DMD: variants seen among roughly 807,000 people sequenced by gnomAD.
DMD encodes dystrophin, also known as mutant dystrophin.
DMD carries 63 observed loss-of-function variants against 330.1 expected under a neutral mutation model. That is an observed-to-expected ratio of 0.19 (90% CI 0.16 to 0.24). The LOEUF is 0.24. Among genes scored for constraint, DMD ranks in the 10% least tolerant of loss-of-function variants. The pLI is 1.00. For synonymous variants in DMD, 1,223 were observed against 959.8 expected (o/e 1.27, Z -5.07); for missense variants, 3,344 against 2,684.1 (o/e 1.25, Z -5.43).
chrX:32,053,056 C>T, intron 44 of DMD, among the ~76,000 whole-genome samples: 1 of 111,563 alleles, frequency 9.0e-6, no homozygotes, highest in Non-Finnish European at 1.9e-5. Flanking sequence ...ATTCCCACAC[C>T]ACTGCTAGAT....
chrX:31,680,990 A>G (rs1330638082), intron 52 of DMD, among the ~76,000 whole-genome samples: 1 of 111,133 alleles, frequency 9.0e-6, no homozygotes, highest in Non-Finnish European at 1.9e-5. Context: ...AACACCTCAT[A>G]TAATTAGTTA....
At chrX:32,457,819 T>G (rs1399796726) in intron 25 of DMD, among the ~76,000 whole-genome samples, 2 of 110,483 alleles carry the variant, frequency 1.8e-5, no homozygotes, top group Admixed American at 9.7e-5. Context: ...ATCTGCAAGC[T>G]GGCAGAAAGA....
intron 44 of DMD, among the ~76,000 whole-genome samples, chrX:32,101,724 C>A (rs1181337624): frequency 9.0e-6 from 1 of 111,475 alleles, no homozygotes; most frequent in Non-Finnish European, 1.9e-5. Context: ...CAATTATAAT[C>A]AGTAAGAACA....
At chrX:32,831,256 G>A (rs1168770764) in intron 4 of DMD, among the ~76,000 whole-genome samples, 1 of 110,095 alleles carries the variant, frequency 9.1e-6, no homozygotes. Flanking sequence ...TTCTACCATC[G>A]TCAATATTTT....
intron 1 of DMD, among the ~76,000 whole-genome samples, chrX:33,022,124 T>C (rs771573153): frequency 9.0e-6 from 1 of 111,355 alleles, no homozygotes; most frequent in Non-Finnish European, 1.9e-5. Flanking sequence ...ATTTCCTACA[T>C]GTGCATGCGT....
intron 60 of DMD, among the ~76,000 whole-genome samples, chrX:31,428,198 T>TG (rs2063820373): frequency 9.0e-6 from 1 of 111,645 alleles, no homozygotes; most frequent in Non-Finnish European, 1.9e-5. Context: ...GACTGGATCA[T>TG]GGGGCTGGAT....
chrX:31,345,913 G>A (rs1471483743), intron 61 of DMD, among the ~76,000 whole-genome samples: 1 of 111,580 alleles, frequency 9.0e-6, no homozygotes, highest in South Asian at 3.8e-4. Flanking sequence ...TATTATCGAT[G>A]TATGACAAAA....
At chrX:32,202,629 C>T (rs914129096) in intron 44 of DMD, among the ~76,000 whole-genome samples, 3 of 112,145 alleles carry the variant, frequency 2.7e-5, no homozygotes, top group African/African-American at 6.5e-5. Context: ...GGATTACAGG[C>T]GTGAGCCACC....
chrX:31,197,270 T>C lies in DMD; in HGVS notation c.9807+6691A>G, dbSNP rs747743638. On this transcript the variant is annotated intron_variant, in intron 67 of 78. Transcript: ENST00000357033. The stretch of plus-strand genomic sequence containing the variant: ...TCAAAGCCTATGCACTTAACCACTC[T>C]GCCAGTCACTTCTCCAGATATTCTG... 8.0e-5 allele frequency among the ~76,000 whole-genome samples: 9 copies of C among 111,970 alleles called. No individual in the cohort carries two copies. The South Asian group carries it at 3.4e-3, about 42-fold the overall frequency.
rs187029249 is a variant in DMD at position 31,294,374 on chromosome X, A to C, written c.9224+29224T>G. On this transcript the variant is annotated intron_variant, in intron 62 of 78. Transcript: ENST00000357033. The stretch of plus-strand genomic sequence containing the variant: ...GTTCGATAAAGTGCTATACAAACAC[A>C]TGGGGCTATCTATAAGTTATCTACC... Among the ~76,000 whole-genome samples the C allele has an allele frequency of 5.3e-5, 6 of 112,336 alleles. No individual in the cohort carries two copies. In the East Asian group the frequency reaches 1.7e-3, roughly 31 times the overall value.
Position 32,546,749 on chromosome X carries a change from G to A in DMD, c.1993-1415C>T, listed in dbSNP as rs189419159. Among the ~76,000 whole-genome samples the A allele has an allele frequency of 2.8e-4, 31 of 109,764 alleles. No individual in the cohort carries two copies. In the East Asian group the frequency reaches 8.8e-3, roughly 31 times the overall value. On this transcript the variant is annotated intron_variant, in intron 16 of 78. Transcript: ENST00000357033. ...TTTTATCTTCTCTAGGATCTCCATA[G>A]ATTCATTATTTAGAATGAATCACTG...
At chrX:32,831,574 T>C (rs181710721) in intron 4 of DMD, among the ~76,000 whole-genome samples, 7 of 108,922 alleles carry the variant, frequency 6.4e-5, no homozygotes, top group African/African-American at 2.3e-4. Context: ...TGGAAGTTCT[T>C]AGGGCAGAGC....
At chrX:32,715,469 CAAAAAAAA>C (rs61325834) in intron 7 of DMD, among the ~76,000 whole-genome samples, 6 of 17,216 alleles carry the variant, frequency 3.5e-4, no homozygotes, top group Admixed American at 8.0e-4. Flanking sequence ...GAGATTCCAT[CAAAAAAAA>C]AAAAAAAAAA....
intron 44 of DMD, chrX:32,151,476 G>A (rs1876403345): frequency 8.9e-6 from 1 of 111,806 alleles, no homozygotes; most frequent in Admixed American, 9.5e-5. Context: ...TTAGTCAGCT[G>A]AGGTTATGTT....
At chrX:33,152,097 T>A (rs2048305624) in intron 1 of DMD, among the ~76,000 whole-genome samples, 1 of 111,400 alleles carries the variant, frequency 9.0e-6, no homozygotes, top group African/African-American at 3.3e-5. Flanking sequence ...TTTGGTATTT[T>A]TAAGTATTAT....
At chrX:33,181,452 G>A (rs1423594348) in intron 1 of DMD, among the ~76,000 whole-genome samples, 2 of 111,692 alleles carry the variant, frequency 1.8e-5, no homozygotes, top group African/African-American at 6.5e-5. Context: ...GGACAAGCTG[G>A]TAAACCTCAT....
intron 49 of DMD, among the ~76,000 whole-genome samples, chrX:31,833,226 T>G (rs1458624562): frequency 2.0e-5 from 2 of 98,052 alleles, no homozygotes; most frequent in African/African-American, 7.7e-5. Flanking sequence ...GATGAAGAAA[T>G]AACATACAAA....
Position 31,121,432 on chromosome X carries a change from GTGTGTGTGTA to G in DMD, c.*477_*486del, listed in dbSNP as rs59588979. ...AATGCGCTGCCTCAAAGTTTTGTGTGTGTGTGTGTATGTGTGTGTGTGTGTGTTTGTTTTG... is the reference window on the plus strand; with the variant it reads ...AATGCGCTGCCTCAAAGTTTTGTGTGTGTGTGTGTGTGTGTGTTTGTTTTG... On this transcript the variant is annotated 3_prime_UTR_variant, in exon 79 of 79. Coordinates refer to ENST00000357033, the MANE Select transcript of DMD (RefSeq NM_004006.3). The G allele has an allele frequency of 7.3e-3, 775 of 106,167 alleles. 10 individuals are homozygous for G. The highest frequency in any genetic ancestry group is 0.032 in the African/African-American group (678 of 21,407). 8.7% of individuals were successfully genotyped at this position (106,167 alleles called of 1,213,427 possible).
intron 2 of DMD, among the ~76,000 whole-genome samples, chrX:32,864,589 T>C (rs923789600): frequency 8.9e-6 from 1 of 112,275 alleles, no homozygotes; most frequent in Non-Finnish European, 1.9e-5. Context: ...GTAACAGTGA[T>C]AATTCTACAT....
Sources: gnomAD v4.1 joint callset for allele counts (sites outside exome capture counted in the v4.1 genomes callset) on GRCh38, gnomAD v4.1.1 for gene constraint, MANE v1.5 for transcripts, NCBI Gene and HGNC (gene_info 2026-07-23, HGNC 2026-07-21) for gene names.